The following STPG2 variants were observed in gnomAD, a reference collection of about 807,000 sequenced individuals.
STPG2 encodes sperm-tail PG-rich repeat-containing protein 2.
A neutral mutation model predicts 54.2 loss-of-function variants in STPG2; 56 were observed. The ratio of observed to expected loss-of-function variants is 1.03; its 90% CI spans 0.83 to 1.29. The LOEUF is 1.29. Ranked by LOEUF, STPG2 falls within the 50% of genes most tolerant of loss-of-function variation. The probability of loss-of-function intolerance (pLI) is 0.00; values close to 1 mark genes in which losing one functional copy is unlikely to be tolerated. For missense variants in STPG2, 596 were observed against 544.9 expected (o/e 1.09, Z -0.93); for synonymous variants, 200 against 181.8 (o/e 1.10, Z -0.81).
At chr4:97,634,641 T>C (rs1721440244) in intron 10 of STPG2, among the ~76,000 whole-genome samples, 1 of 151,424 alleles carries the variant, frequency 6.6e-6, no homozygotes, top group Non-Finnish European at 1.5e-5. Flanking sequence ...AGAGAAGTGC[T>C]TAAAGGAGCT....
intron 10 of STPG2, among the ~76,000 whole-genome samples, chr4:97,656,637 AC>A (rs1359444312): frequency 8.4e-4 from 127 of 151,548 alleles, no homozygotes; most frequent in African/African-American, 2.9e-3. Flanking sequence ...AGCTCATGTT[AC>A]CCTTAAATAT....
intron 10 of STPG2, among the ~76,000 whole-genome samples, chr4:97,684,563 C>T (rs998025558): frequency 6.6e-6 from 1 of 151,912 alleles, no homozygotes; most frequent in African/African-American, 2.4e-5. Flanking sequence ...AGAACCTAGA[C>T]AGAGACCTTA....
At chr4:98,036,336 A>G (rs191060620) in intron 5 of STPG2, among the ~76,000 whole-genome samples, 1 of 152,134 alleles carries the variant, frequency 6.6e-6, no homozygotes, top group Non-Finnish European at 1.5e-5. Context: ...AAATTATTCT[A>G]TTATAAAGAT....
chr4:97,514,539 A>C (rs944281950), intron 4 of STPG2, among the ~76,000 whole-genome samples: 2 of 152,146 alleles, frequency 1.3e-5, no homozygotes, highest in African/African-American at 4.8e-5. Flanking sequence ...TTTATTAGTA[A>C]TAAAAGTATT....
chr4:97,882,710 A>T (rs1578652290), intron 8 of STPG2, among the ~76,000 whole-genome samples: 1 of 152,266 alleles, frequency 6.6e-6, no homozygotes, highest in Non-Finnish European at 1.5e-5. Flanking sequence ...TAAGGTAATG[A>T]TGAAAAAACA....
chr4:98,048,632 C>A, intron 5 of STPG2: 1 of 161,444 alleles, frequency 6.2e-6, no homozygotes, highest in Non-Finnish European at 1.4e-5. Flanking sequence ...GCATGCAGCC[C>A]CACTTTGCCT....
chr4:97,741,656 G>A (rs572635068), intron 9 of STPG2, among the ~76,000 whole-genome samples: 14 of 151,418 alleles, frequency 9.2e-5, no homozygotes, highest in Middle Eastern at 3.4e-3. Context: ...AATCAAAACC[G>A]CAATGTGATA....
At chr4:98,110,690 C>A (rs1337564533) in intron 3 of STPG2, among the ~76,000 whole-genome samples, 2 of 152,062 alleles carry the variant, frequency 1.3e-5, no homozygotes, top group Non-Finnish European at 2.9e-5. Context: ...ATTTTTACTC[C>A]CACTCTAAAA....
intron 9 of STPG2, among the ~76,000 whole-genome samples, chr4:97,737,931 GA>G (rs1410195089): frequency 1.1e-4 from 17 of 152,116 alleles, no homozygotes; most frequent in African/African-American, 3.6e-4. Flanking sequence ...AAGTTGAAAT[GA>G]AGGAAAAAAT....
intron 10 of STPG2, among the ~76,000 whole-genome samples, chr4:97,698,720 C>T (rs1300822408): frequency 1.3e-5 from 2 of 152,206 alleles, no homozygotes; most frequent in South Asian, 4.1e-4. Flanking sequence ...TCATGGCCTT[C>T]TGGAATACTT....
intron 9 of STPG2, among the ~76,000 whole-genome samples, chr4:97,837,585 T>C (rs1381830825): frequency 6.6e-6 from 1 of 151,666 alleles, no homozygotes; most frequent in Non-Finnish European, 1.5e-5. Flanking sequence ...TAAGCCTCAT[T>C]TAATTATTTC....
At chr4:97,686,379 C>T (rs921684176) in intron 10 of STPG2, among the ~76,000 whole-genome samples, 2 of 152,122 alleles carry the variant, frequency 1.3e-5, no homozygotes, top group Non-Finnish European at 2.9e-5. Flanking sequence ...CTGGGCATGG[C>T]TAAGGCTTCT....
chr4:97,655,783 C>T (rs35739409), intron 10 of STPG2, among the ~76,000 whole-genome samples: 25,900 of 152,014 alleles, frequency 0.17, 2,766 homozygotes, highest in Non-Finnish European at 0.25. Flanking sequence ...TTATACAATT[C>T]TTCAAATTAA....
At chr4:97,504,716 G>T (rs552750796) in intron 4 of STPG2, among the ~76,000 whole-genome samples, 2 of 151,904 alleles carry the variant, frequency 1.3e-5, no homozygotes, top group Admixed American at 1.3e-4. Flanking sequence ...AGTAATGAAA[G>T]TGCTTATAAG....
At chr4:97,509,167 T>C (rs1427725633) in intron 4 of STPG2, among the ~76,000 whole-genome samples, 3 of 152,036 alleles carry the variant, frequency 2.0e-5, no homozygotes, top group Non-Finnish European at 2.9e-5. Flanking sequence ...TTGAACCTGG[T>C]CCGTTTCTGT....
At chr4:97,829,951 C>G (rs750932486) in intron 9 of STPG2, among the ~76,000 whole-genome samples, 2 of 152,146 alleles carry the variant, frequency 1.3e-5, no homozygotes, top group Non-Finnish European at 2.9e-5. Context: ...AAACACTCTT[C>G]AGGATATTAT....
chr4:97,982,068 T>C (rs1042144278), intron 5 of STPG2, among the ~76,000 whole-genome samples: 5 of 151,800 alleles, frequency 3.3e-5, no homozygotes, highest in African/African-American at 1.2e-4. Context: ...GTATTTTTAG[T>C]AGAAACGGGG....
At chr4:97,843,732 A>C (rs1463285505) in intron 8 of STPG2, among the ~76,000 whole-genome samples, 2 of 151,880 alleles carry the variant, frequency 1.3e-5, no homozygotes, top group Non-Finnish European at 2.9e-5. Context: ...ACCTACTTCA[A>C]AGGAAGGTGG....
chr4:97,688,471 A>G (rs1723266899), intron 10 of STPG2, among the ~76,000 whole-genome samples: 1 of 152,088 alleles, frequency 6.6e-6, no homozygotes, highest in Non-Finnish European at 1.5e-5. Context: ...GGTTCACACC[A>G]TTCTCCTGCC....
Sources: allele counts gnomAD v4.1 joint callset (sites outside exome capture counted in the v4.1 genomes callset), GRCh38; gene constraint gnomAD v4.1.1; transcripts MANE v1.5; gene names NCBI Gene and HGNC (gene_info 2026-07-23, HGNC 2026-07-21).